Variants in WDR59 observed in about 807,000 individuals in gnomAD.
WDR59 encodes the protein GATOR2 complex protein WDR59.
In WDR59, 100 loss-of-function variants were observed where a neutral mutation model predicts 131.2. The observed-to-expected ratio is 0.76, with a 90% CI of 0.65 to 0.90. The LOEUF (loss-of-function observed/expected upper bound fraction) is 0.90. Among genes scored for constraint, WDR59 ranks in the 40% least tolerant of loss-of-function variants. The pLI is 0.00. For missense variants in WDR59, 1,203 were observed against 1,262.2 expected, an observed-to-expected ratio of 0.95 and a Z score of 0.71; for synonymous variants, 601 against 466.2, an observed-to-expected ratio of 1.29 and a Z score of -3.72.
Position 74,887,706 on chromosome 16 carries a change from A to G in WDR59, c.2396T>C (p.Leu799Pro). ...GSCSSMSDPG[L>P]NTGGWNIAGR... ...ACCTATGTTCCAGCCGCCAGTGTTG[A>G]GCCCTGGGTCTGACATACTGGAGCA... Residue 799 changes from leucine (L) to proline (P), a missense_variant, in exon 23 of 26, where the codon CTC becomes CCC. Physicochemically the swap from Leu to Pro is moderately conservative, Grantham distance 98. Coordinates refer to ENST00000262144, the MANE Select transcript of WDR59 (RefSeq NM_030581.4). 1.9e-6 allele frequency: 3 copies of G among 1,614,206 alleles called. No homozygotes were observed. The highest frequency in any genetic ancestry group is 2.5e-6 in the Non-Finnish European group (3 of 1,180,030).
chr16:74,973,282 G>A (rs1441295596), intron 1 of WDR59, among the ~76,000 whole-genome samples: 3 of 63,796 alleles, frequency 4.7e-5, no homozygotes, highest in African/African-American at 2.5e-4. Context: ...TGCCAAAGCT[G>A]GTTTGTTGTT....
intron 1 of WDR59, among the ~76,000 whole-genome samples, chr16:74,979,287 A>T (rs2034305905): frequency 6.6e-6 from 1 of 151,304 alleles, no homozygotes; most frequent in Admixed American, 6.6e-5. Context: ...ACACAGTGAA[A>T]CCCCATCTCT....
intron 6 of WDR59, among the ~76,000 whole-genome samples, chr16:74,944,115 C>T (rs1027305764): frequency 4.6e-5 from 7 of 152,076 alleles, no homozygotes; most frequent in African/African-American, 1.4e-4. Context: ...CATCAGAACT[C>T]GAGGGCTCCC....
chr16:74,961,106 G>C (rs2033544345), intron 2 of WDR59, among the ~76,000 whole-genome samples: 2 of 151,188 alleles, frequency 1.3e-5, no homozygotes, highest in African/African-American at 4.9e-5. Flanking sequence ...AGGAGTTCAA[G>C]ATCAGCCTAG....
At chr16:74,981,642 A>T (rs1288029132) in intron 1 of WDR59, among the ~76,000 whole-genome samples, 29 of 2,358 alleles carry the variant, frequency 0.012, no homozygotes, top group African/African-American at 0.018. Flanking sequence ...ATATATATAT[A>T]TATATATATA....
chr16:74,943,000 T>C (rs2032348318), intron 6 of WDR59, among the ~76,000 whole-genome samples, 174 bp from the exon 7 acceptor site: 3 of 152,000 alleles, frequency 2.0e-5, no homozygotes. Context: ...AAAAAATAAA[T>C]GAATTAACAC....
chr16:74,895,662 G>T (rs933014339), intron 18 of WDR59, among the ~76,000 whole-genome samples: 1 of 152,106 alleles, frequency 6.6e-6, no homozygotes, highest in Non-Finnish European at 1.5e-5. Context: ...ATTATTATGG[G>T]GTAGCCCTTC....
chr16:74,906,069 C>G (rs1452459327), intron 17 of WDR59, among the ~76,000 whole-genome samples: 6 of 151,696 alleles, frequency 4.0e-5, no homozygotes, highest in Non-Finnish European at 8.8e-5. Flanking sequence ...AATCCCAGCA[C>G]TTTGGGAGGC....
chr16:74,964,671 C>T (rs1286420298), intron 2 of WDR59, among the ~76,000 whole-genome samples: 1 of 151,926 alleles, frequency 6.6e-6, no homozygotes, highest in African/African-American at 2.4e-5. Context: ...TCATAAACAA[C>T]TACATTAATG....
chr16:74,968,563 A>G (rs1452782375), intron 1 of WDR59, among the ~76,000 whole-genome samples: 2 of 152,120 alleles, frequency 1.3e-5, no homozygotes, highest in African/African-American at 2.4e-5. Flanking sequence ...TCTACTAAAT[A>G]TACAAAAATC....
At chr16:74,968,613 C>T (rs1316804330) in intron 1 of WDR59, among the ~76,000 whole-genome samples, 5 of 151,962 alleles carry the variant, frequency 3.3e-5, no homozygotes, top group East Asian at 3.9e-4. Flanking sequence ...CCCAGCTGCT[C>T]AGGAGGCTGA....
chr16:74,947,083 G>C (rs2032692682), intron 6 of WDR59, among the ~76,000 whole-genome samples: 2 of 152,190 alleles, frequency 1.3e-5, no homozygotes, highest in African/African-American at 2.4e-5. Context: ...TTCCAGAAAA[G>C]GTCAGTTCCA....
chr16:74,909,994 G>C (rs1255705465), intron 14 of WDR59, 77 bp from the exon 15 acceptor site: 5 of 1,114,790 alleles, frequency 4.5e-6, no homozygotes, highest in Non-Finnish European at 6.3e-6. Flanking sequence ...TTGAGACAAA[G>C]TCTCTCTTTG....
rs993632172 is a variant in WDR59, at chr16:74,899,871, A to G, written c.1866+4076T>C. On this transcript the variant is annotated intron_variant, in intron 18 of 25. Coordinates refer to ENST00000262144, the MANE Select transcript of WDR59 (RefSeq NM_030581.4). ...CACATCCGATGGATTCCAATGTACC[A>G]TAATACACTGTACAGTTGGGATGGG... is the stretch of plus-strand genomic sequence containing the variant. The G allele has an allele frequency of 8.0e-6, 6 of 745,610 alleles. No individual in the cohort carries two copies. The Admixed American group carries it at 1.5e-4, about 19-fold the overall frequency. The allele number at this position is 745,610 out of a possible 1,614,324, so 46.2% of individuals were successfully genotyped here.
intron 25 of WDR59, among the ~76,000 whole-genome samples, chr16:74,884,274 C>T (rs1964650936): frequency 6.6e-6 from 1 of 152,222 alleles, no homozygotes; most frequent in African/African-American, 2.4e-5. Flanking sequence ...CAGTGACCCT[C>T]TTAAAACACA....
intron 8 of WDR59, among the ~76,000 whole-genome samples, chr16:74,925,220 T>C (rs2030656247): frequency 6.6e-6 from 1 of 152,016 alleles, no homozygotes; most frequent in South Asian, 2.1e-4. Flanking sequence ...TTACGTTGAA[T>C]GAAAAAAAGA....
At position 74,984,684 on chromosome 16, in the gene WDR59, A is replaced by G; in HGVS notation, c.54+280T>C. 8.3e-6 allele frequency: 4 copies of G among 481,092 alleles called. No homozygotes were observed. The South Asian group carries it at 1.0e-4, about 12-fold the overall frequency. The allele number at this position is 481,092 out of a possible 1,614,324, so 29.8% of individuals were successfully genotyped here. A position where few individuals can be genotyped will look rare whatever the true frequency, so the allele number is the denominator to read the frequency against. ...CCCTGATTGTGGGAAGCCTCCCCTC[A>G]GCACTCACGATGCGCAGTCTCTGCC... On this transcript the variant is annotated intron_variant, in intron 1 of 25. Coordinates refer to ENST00000262144, the MANE Select transcript of WDR59 (RefSeq NM_030581.4).
chr16:74,976,151 T>C (rs978319620), intron 1 of WDR59, among the ~76,000 whole-genome samples: 2 of 152,204 alleles, frequency 1.3e-5, no homozygotes, highest in African/African-American at 2.4e-5. Flanking sequence ...CGAAGCTGGA[T>C]TGCTCCAGAA....
chr16:74,919,081 T>G (rs2144986148), intron 10 of WDR59, among the ~76,000 whole-genome samples: 1 of 152,280 alleles, frequency 6.6e-6, no homozygotes, highest in South Asian at 2.1e-4. Context: ...TTTCTAAATG[T>G]TATAAATTAA....
Sources: allele counts gnomAD v4.1 joint callset (sites outside exome capture counted in the v4.1 genomes callset), GRCh38; gene constraint gnomAD v4.1.1; transcripts MANE v1.5; gene names NCBI Gene and HGNC (gene_info 2026-07-23, HGNC 2026-07-21).